Variants in MAP3K6 observed in about 807,000 individuals in gnomAD.
MAP3K6 encodes mitogen-activated protein kinase kinase kinase 6.
A neutral mutation model predicts 147.1 loss-of-function variants in MAP3K6; 105 were observed. The ratio of observed to expected loss-of-function variants is 0.71; its 90% CI spans 0.61 to 0.84. The LOEUF is 0.84. Among genes scored for constraint, MAP3K6 ranks in the 40% least tolerant of loss-of-function variants. MAP3K6 has a pLI of 0.00. For synonymous variants in MAP3K6, 695 were observed against 732.4 expected (o/e 0.95, Z 0.82); for missense variants, 1,569 against 1,715.0 (o/e 0.91, Z 1.50).
At position 27,361,622 on chromosome 1, in the gene MAP3K6, C is replaced by T; in HGVS notation, c.1584G>A (p.Leu528=). Residue 528 remains leucine (L), a synonymous_variant, in exon 11 of 29, where the codon CTG becomes CTA. Transcript: ENST00000357582. ...GCAGCACCTTGTTCATCTCCAGGAC[C>T]AGCACCTGCAGGCAGTTGGGGAGTG... The part of the protein sequence containing the change: ...ACAQGDQCLV[L]VLEMNKVLLP... The T allele has an allele frequency of 6.2e-7, 1 of 1,614,200 alleles. No individual in the cohort carries two copies. The highest frequency in any genetic ancestry group is 8.5e-7 in the Non-Finnish European group (1 of 1,180,046).
chr1:27,360,198 C>T lies in MAP3K6; in HGVS notation c.2182+43G>A, dbSNP rs371871586. On this transcript the variant is annotated intron_variant, in intron 16 of 28. Coordinates refer to ENST00000357582, the MANE Select transcript of MAP3K6 (RefSeq NM_004672.5). This position sits in a 1 kb window ranked among gnomAD's most constrained non-coding sequence, Gnocchi z 4.5. ...TACCCCTGCCTGCCTCGGTCCCATG[C>T]TTCACACCTCGGTTTCATTCCCATC... 4.4e-5 allele frequency: 71 copies of T among 1,609,260 alleles called. No homozygotes were observed. Among genetic ancestry groups the T allele is most frequent in the Non-Finnish European group, 5.8e-5 (68 of 1,176,862 alleles).
At chr1:27,363,582 G>A (rs562873230) in intron 5 of MAP3K6, 34 bp from the exon 6 acceptor site, 3 of 1,514,380 alleles carry the variant, frequency 2.0e-6, no homozygotes, top group Admixed American at 1.9e-5. Flanking sequence ...TGGCATCATG[G>A]GCCTCCAGGC....
chr1:27,365,298 A>G (rs2015937762), intron 1 of MAP3K6, among the ~76,000 whole-genome samples: 1 of 152,192 alleles, frequency 6.6e-6, no homozygotes, highest in Non-Finnish European at 1.5e-5. Flanking sequence ...ATCAGTGTGC[A>G]TAGACAACGC....
chr1:27,360,304 G>A lies in MAP3K6; in HGVS notation c.2119C>T (p.Arg707Cys). Residue 707 changes from arginine to cysteine, a missense_variant, in exon 16 of 29, where the codon CGC (arginine) becomes TGC (cysteine). By Grantham distance (180) the Arg-to-Cys change is radical. Transcript: ENST00000357582. This position sits in a 1 kb window ranked among gnomAD's most constrained non-coding sequence, Gnocchi z 4.5. ...HRRLRHKNIVRYLGSASQGGY... is the reference protein window; with the variant it reads ...HRRLRHKNIVCYLGSASQGGY... ...CCCTGGCTAGCTGAGCCCAGATAGC[G>A]CACTATGTTCTTGTGGCGCAGGCGT... The A allele has an allele frequency of 1.9e-6, 3 of 1,614,070 alleles. No individual in the cohort carries two copies. Among genetic ancestry groups the A allele is most frequent in the South Asian group, 1.1e-5 (1 of 91,086 alleles).
intron 24 of MAP3K6, 79 bp downstream of exon 24, chr1:27,356,929 AC>A (rs2015549169): frequency 1.3e-6 from 2 of 1,490,782 alleles, no homozygotes; most frequent in South Asian, 2.4e-5. Flanking sequence ...CCTGGCCCCC[AC>A]CGGCCCCATT....
At position 27,364,973 on chromosome 1, in the gene MAP3K6, G is replaced by C. The variant is rs775154880; in HGVS notation, c.341-61C>G. ...GCCCAGCTTGATGGGGAAGGAGCCG[G>C]GGTCCATCCTGGCTTGACCTGCCTT... On this transcript the variant is annotated intron_variant, in intron 1 of 28. Transcript: ENST00000357582. This position sits in a 1 kb window ranked among gnomAD's most constrained non-coding sequence, Gnocchi z 4.4. The C allele has an allele frequency of 6.6e-7, 1 of 1,524,920 alleles. No individual in the cohort carries two copies. Among genetic ancestry groups the C allele is most frequent in the African/African-American group, 1.4e-5 (1 of 72,556 alleles). 94.5% of individuals were successfully genotyped at this position (1,524,920 alleles called of 1,614,324 possible).
Position 27,364,461 on chromosome 1 carries a change from A to G in MAP3K6, c.505-67T>C. 1 of 1,583,216 alleles carries G rather than the reference A, an allele frequency of 6.3e-7. No homozygotes were observed. Among genetic ancestry groups the G allele is most frequent in the South Asian group, 1.1e-5 (1 of 89,822 alleles). On this transcript the variant is annotated intron_variant, in intron 3 of 28. Coordinates refer to ENST00000357582, the MANE Select transcript of MAP3K6 (RefSeq NM_004672.5). The surrounding 1 kb of genome is among the most constrained non-coding windows in gnomAD (Gnocchi z 4.4). The stretch of plus-strand genomic sequence containing the variant: ...CACAGGGCTAGACAAGGGGAGTGAG[A>G]GCATCAAAGGTCAGCATCAGTGGGA...
chr1:27,357,911 G>A (rs1459222062), intron 21 of MAP3K6, 35 bp from the exon 22 acceptor site: 17 of 1,542,866 alleles, frequency 1.1e-5, no homozygotes, highest in East Asian at 7.1e-5. Context: ...TTGAGGACGG[G>A]CAGCAACCGG....
In MAP3K6 at chr1:27,360,287, A is replaced by G. The variant is rs200913439; in HGVS notation, c.2136T>C (p.Ala712=). The change falls in exon 16 of 29, where the codon GCT becomes GCC. Residue 712 remains alanine, a synonymous_variant. Transcript: ENST00000357582. This position sits in a 1 kb window ranked among gnomAD's most constrained non-coding sequence, Gnocchi z 4.5. ...AGATCTTAAGGTAGCCGCCCTGGCT[A>G]GCTGAGCCCAGATAGCGCACTATGT... ...HKNIVRYLGS[A]SQGGYLKIFM... is the part of the protein sequence containing the mutation. 6.2e-7 allele frequency: 1 copy of G among 1,614,066 alleles called. No homozygotes were observed.
Position 27,364,799 on chromosome 1 carries a change from C to G in MAP3K6, c.454G>C (p.Asp152His), listed in dbSNP as rs1038867521. The change falls in exon 2 of 29, where the codon GAC (aspartate) becomes CAC (histidine). Residue 152 changes from aspartate to histidine, a missense_variant. Coordinates refer to ENST00000357582, the MANE Select transcript of MAP3K6 (RefSeq NM_004672.5). This position sits in a 1 kb window ranked among gnomAD's most constrained non-coding sequence, Gnocchi z 4.4. ...TNNVLLCSQA[D>H]LPDLQALRED... The stretch of plus-strand genomic sequence containing the variant: ...CGCAGGGCCTGCAGGTCAGGGAGGT[C>G]GGCCTGGGAGCAGAGGAGCACATTG... The G allele has an allele frequency of 1.2e-6, 2 of 1,613,622 alleles. No homozygotes were observed. The highest frequency in any genetic ancestry group is 4.5e-5 in the East Asian group (2 of 44,860).
Position 27,361,618 on chromosome 1 carries a change from G to A in MAP3K6, c.1588C>T (p.Leu530=). The change falls in exon 11 of 29, where the codon CTG becomes TTG. Residue 530 remains leucine (L), a synonymous_variant. Coordinates refer to ENST00000357582, the MANE Select transcript of MAP3K6 (RefSeq NM_004672.5). The part of the protein sequence containing the change: ...AQGDQCLVLV[L]EMNKVLLPAK... ...GGCAGCAGCACCTTGTTCATCTCCA[G>A]GACCAGCACCTGCAGGCAGTTGGGG... 1 of 1,614,172 alleles carries A rather than the reference G, an allele frequency of 6.2e-7. No individual in the cohort carries two copies. Among genetic ancestry groups the A allele is most frequent in the Non-Finnish European group, 8.5e-7 (1 of 1,180,034 alleles).
At position 27,359,977 on chromosome 1, in the gene MAP3K6, G is replaced by A. The variant is rs2015685652; in HGVS notation, c.2200C>T (p.Leu734=). The A allele has an allele frequency of 6.2e-7, 1 of 1,614,092 alleles. No individual in the cohort carries two copies. Among genetic ancestry groups the A allele is most frequent in the Non-Finnish European group, 8.5e-7 (1 of 1,179,994 alleles). ...EVPGGSLSSL[L]RSVWGPLKDN... is the part of the protein sequence containing the mutation. ...TTCAGGGGTCCCCACACCGACCGCA[G>A]CAAGGAGGACAGGCTGCCTGGGTGG... The change falls in exon 17 of 29, where the codon CTG becomes TTG. Residue 734 remains leucine, a synonymous_variant. Coordinates refer to ENST00000357582, the MANE Select transcript of MAP3K6 (RefSeq NM_004672.5). The surrounding 1 kb of genome is among the most constrained non-coding windows in gnomAD (Gnocchi z 4.4).
intron 8 of MAP3K6, 105 bp from the exon 9 acceptor site, chr1:27,362,355 G>A: frequency 8.3e-7 from 1 of 1,204,170 alleles, no homozygotes; most frequent in Admixed American, 2.6e-5. Context: ...TATGAGTATG[G>A]CATTGAGTAT....
In MAP3K6 at chr1:27,355,470, C is replaced by T; in HGVS notation, c.3789-1G>A. The stretch of plus-strand genomic sequence containing the variant: ...CCAGATGCGGCATACCATCCCTCCC[C>T]TGGGGGTAATGGACTCAGTGTGGCT... On this transcript the variant is annotated splice_acceptor_variant, in intron 28 of 28. Coordinates refer to ENST00000357582, the MANE Select transcript of MAP3K6 (RefSeq NM_004672.5). LOFTEE classifies it high-confidence loss of function. 3 of 1,614,108 alleles carry T rather than the reference C, an allele frequency of 1.9e-6. No individual in the cohort carries two copies. The highest frequency in any genetic ancestry group is 2.5e-6 in the Non-Finnish European group (3 of 1,179,972).
At position 27,355,713 on chromosome 1, in the gene MAP3K6, C is replaced by T. The variant is rs1282175878; in HGVS notation, c.3744G>A (p.Leu1248=). 8.1e-6 allele frequency: 13 copies of T among 1,613,892 alleles called. 1 individual carries two copies. The highest frequency in any genetic ancestry group is 2.2e-5 in the South Asian group (2 of 91,058). The stretch of plus-strand genomic sequence containing the variant: ...GGTCATCTCGAGTGGCATAGGTGAG[C>T]AGAGTGTGGAGGGTGAAGCTATGGT... ...LLNHSFTLHT[L]LTYATRDDLI... The change falls in exon 28 of 29, where the codon CTG becomes CTA. Residue 1248 remains leucine (L), a synonymous_variant. Coordinates refer to ENST00000357582, the MANE Select transcript of MAP3K6 (RefSeq NM_004672.5).
rs1467167895 is a variant in MAP3K6 at position 27,360,813 on chromosome 1, C to T, written c.1946G>A (p.Gly649Asp). 6.2e-7 allele frequency: 1 copy of T among 1,612,908 alleles called. No homozygotes were observed. The highest frequency in any genetic ancestry group is 8.5e-7 in the Non-Finnish European group (1 of 1,179,886). The change falls in exon 15 of 29, where the codon GGC becomes GAC. Residue 649 changes from glycine to aspartate, a missense_variant. Physicochemically the swap from Gly to Asp is moderately conservative, Grantham distance 94. Coordinates refer to ENST00000357582, the MANE Select transcript of MAP3K6 (RefSeq NM_004672.5). The surrounding 1 kb of genome is among the most constrained non-coding windows in gnomAD (Gnocchi z 4.5). ...LEFDYEYTET[G>D]ERLVLGKGTY... Reference sequence around the variant, plus strand: ...GCCCTTGCCCAGCACCAGCCGCTCGCCCGTCTCCGTGTACTCATAATCAAA... The same window carrying T: ...GCCCTTGCCCAGCACCAGCCGCTCGTCCGTCTCCGTGTACTCATAATCAAA...
In MAP3K6 at chr1:27,360,158, C is replaced by T. The variant is rs1444203941; in HGVS notation, c.2182+83G>A. On this transcript the variant is annotated intron_variant, in intron 16 of 28. Coordinates refer to ENST00000357582, the MANE Select transcript of MAP3K6 (RefSeq NM_004672.5). This position sits in a 1 kb window ranked among gnomAD's most constrained non-coding sequence, Gnocchi z 4.5. ...CACCCACACGCACTAGGGTGCATTT[C>T]CCCCTAGGGCTCTCTACCCCTGCCT... The T allele has an allele frequency of 1.3e-6, 2 of 1,587,326 alleles. No individual in the cohort carries two copies. The highest frequency in any genetic ancestry group is 1.7e-6 in the Non-Finnish European group (2 of 1,164,192).
In MAP3K6 at chr1:27,357,312, T is replaced by A. The variant is rs2015564191; in HGVS notation, c.3258+88A>T. 6.0e-6 allele frequency: 9 copies of A among 1,496,254 alleles called. No homozygotes were observed. The Admixed American group carries it at 7.9e-5, about 13-fold the overall frequency. 92.7% of individuals were successfully genotyped at this position (1,496,254 alleles called of 1,614,324 possible). A position where few individuals can be genotyped will look rare whatever the true frequency, so the allele number is the denominator to read the frequency against. On this transcript the variant is annotated intron_variant, in intron 23 of 28. Coordinates refer to ENST00000357582, the MANE Select transcript of MAP3K6 (RefSeq NM_004672.5). ...ATCTTCACAGAGGAGACAGGGAATC[T>A]GGGAACGTCAAGTCCTGGCACCTCA...
Position 27,359,154 on chromosome 1 carries a change from T to C in MAP3K6, c.2425+263A>G, listed in dbSNP as rs771924472. Reference sequence around the variant, plus strand: ...CACATCCTGGATTGCCTCGTCCCCCTGAACTCCATCACCTGCTTTTTCCTC... The same window carrying C: ...CACATCCTGGATTGCCTCGTCCCCCCGAACTCCATCACCTGCTTTTTCCTC... On this transcript the variant is annotated intron_variant, in intron 18 of 28. Coordinates refer to ENST00000357582, the MANE Select transcript of MAP3K6 (RefSeq NM_004672.5). This position sits in a 1 kb window ranked among gnomAD's most constrained non-coding sequence, Gnocchi z 4.4. Among the ~76,000 whole-genome samples the C allele has an allele frequency of 6.6e-5, 10 of 152,156 alleles. No individual in the cohort carries two copies. The highest frequency in any genetic ancestry group is 2.6e-4 in the Admixed American group (4 of 15,282).
Sources: gnomAD v4.1 joint callset for allele counts (sites outside exome capture counted in the v4.1 genomes callset) on GRCh38, gnomAD v4.1.1 for gene constraint, Gnocchi (gnomAD v3.1) non-coding constraint, MANE v1.5 for transcripts, NCBI Gene and HGNC (gene_info 2026-07-23, HGNC 2026-07-21) for gene names.